MRTFB: variants seen among roughly 807,000 people sequenced by gnomAD.
MRTFB encodes myocardin-related transcription factor B.
Under a neutral mutation model 104.2 loss-of-function variants are expected in MRTFB, and 29 were observed. That is an observed-to-expected ratio of 0.28 (90% confidence interval 0.21 to 0.38). The LOEUF is 0.38. Ranked by LOEUF, MRTFB falls within the 10% of genes least tolerant of loss-of-function variation. The pLI is 1.00. For synonymous variants in MRTFB, 535 were observed against 519.5 expected, an observed-to-expected ratio of 1.03 and a Z score of -0.41; for missense variants, 1,270 against 1,341.6, an observed-to-expected ratio of 0.95 and a Z score of 0.83.
upstream of MRTFB, among the ~76,000 whole-genome samples, chr16:14,068,550 T>C (rs935310127): frequency 6.6e-6 from 1 of 152,094 alleles, no homozygotes; most frequent in African/African-American, 2.4e-5. Context: ...GCCAACTGTG[T>C]GTTGTTGCGT....
chr16:14,207,035 A>G (rs2040978049), intron 3 of MRTFB, among the ~76,000 whole-genome samples: 1 of 151,946 alleles, frequency 6.6e-6, no homozygotes, highest in Non-Finnish European at 1.5e-5. Flanking sequence ...CTTAAAAAAG[A>G]TCTTCCTTTC....
the MRTFB span, among the ~76,000 whole-genome samples, chr16:13,999,500 CAAA>C: frequency 9.0e-5 from 8 of 88,618 alleles, no homozygotes; most frequent in South Asian, 3.4e-4. Flanking sequence ...AGCCTTCTGG[CAAA>C]AAAAAAAAAA....
intron 2 of MRTFB, among the ~76,000 whole-genome samples, chr16:14,084,266 G>A (rs544029602): frequency 7.9e-4 from 120 of 152,260 alleles, no homozygotes; most frequent in Non-Finnish European, 1.3e-3. Flanking sequence ...GACTAGGCAC[G>A]GTATCTCACA....
Position 14,265,356 on chromosome 16 carries a change from C to T in MRTFB, c.*3912C>T, listed in dbSNP as rs925556273. On this transcript the variant is annotated 3_prime_UTR_variant, in exon 17 of 17. Coordinates refer to ENST00000571589, the MANE Select transcript of MRTFB (RefSeq NM_001308142.2). ...CCGCCCTAGAGGCCACAGAATTAGC[C>T]CAAAATTATCAAAGAACATTAACTG... is the stretch of plus-strand genomic sequence containing the variant. 3.3e-5 allele frequency: 5 copies of T among 152,084 alleles called. No individual in the cohort carries two copies. Among genetic ancestry groups the T allele is most frequent in the Non-Finnish European group, 7.3e-5 (5 of 68,030 alleles). 9.4% of individuals were successfully genotyped at this position (152,084 alleles called of 1,614,324 possible).
At chr16:14,153,667 T>C (rs1469780195) in intron 3 of MRTFB, among the ~76,000 whole-genome samples, 1 of 152,218 alleles carries the variant, frequency 6.6e-6, no homozygotes, top group Non-Finnish European at 1.5e-5. Flanking sequence ...AACTGAGTCT[T>C]AAATTATAAC....
At chr16:14,088,830 G>A (rs192730200) in intron 2 of MRTFB, among the ~76,000 whole-genome samples, 57 of 152,304 alleles carry the variant, frequency 3.7e-4, no homozygotes, top group African/African-American at 1.3e-3. Flanking sequence ...AAAGGACTTT[G>A]ACTTATTAAA....
intron 3 of MRTFB, among the ~76,000 whole-genome samples, chr16:14,154,814 C>T (rs547955772): frequency 2.2e-4 from 33 of 152,348 alleles, no homozygotes; most frequent in Non-Finnish European, 4.3e-4. Context: ...GCCTGAGTTC[C>T]TTGCTGACCA....
In MRTFB at chr16:14,265,986, A is replaced by C. The variant is rs1020133528; in HGVS notation, c.*4542A>C. On this transcript the variant is annotated 3_prime_UTR_variant, in exon 17 of 17. Coordinates refer to ENST00000571589, the MANE Select transcript of MRTFB (RefSeq NM_001308142.2). ...ACGTGATGCTGTAAGGAATCTTGCT[A>C]ATTTGGTAGGAAGAGGAAGCATTTA... The C allele has an allele frequency of 6.6e-6, 1 of 152,248 alleles. No homozygotes were observed. The highest frequency in any genetic ancestry group is 2.4e-5 in the African/African-American group (1 of 41,468). The allele number at this position is 152,248 out of a possible 1,614,324, so 9.4% of individuals were successfully genotyped here.
At chr16:14,017,158 A>G in the MRTFB span, among the ~76,000 whole-genome samples, 8 of 148,542 alleles carry the variant, frequency 5.4e-5, no homozygotes, top group East Asian at 2.0e-4. Flanking sequence ...CCGGGTTCAC[A>G]CCATTCTCCT....
In MRTFB at chr16:14,261,752, A is replaced by G; in HGVS notation, c.*308A>G. ...CTTTAGATAAAAACAAAGAAGAGTA[A>G]TATATGCAGCACAGTGACGTTAGGA... On this transcript the variant is annotated 3_prime_UTR_variant, in exon 17 of 17. Coordinates refer to ENST00000571589, the MANE Select transcript of MRTFB (RefSeq NM_001308142.2). The G allele has an allele frequency of 3.5e-6, 1 of 282,022 alleles. No homozygotes were observed. Among genetic ancestry groups the G allele is most frequent in the African/African-American group, 2.2e-5 (1 of 45,776 alleles). 17.5% of individuals were successfully genotyped at this position (282,022 alleles called of 1,614,324 possible). A position where few individuals can be genotyped will look rare whatever the true frequency, so the allele number is the denominator to read the frequency against.
chr16:14,161,158 A>AT (rs988784325), intron 3 of MRTFB, among the ~76,000 whole-genome samples: 1 of 137,442 alleles, frequency 7.3e-6, no homozygotes, highest in South Asian at 2.2e-4. Context: ...GCTAGGATAC[A>AT]TTTTTTTAAA....
chr16:14,234,953 A>C (rs749106362), intron 9 of MRTFB, among the ~76,000 whole-genome samples: 1 of 152,244 alleles, frequency 6.6e-6, no homozygotes, highest in Non-Finnish European at 1.5e-5. Context: ...AGTGAGGAAT[A>C]GTTTAGGTGA....
chr16:14,220,913 A>G (rs898305527), intron 8 of MRTFB, among the ~76,000 whole-genome samples: 7 of 152,176 alleles, frequency 4.6e-5, no homozygotes, highest in Middle Eastern at 3.2e-3. Flanking sequence ...TTTCTGTCCT[A>G]TGTGCCTTGA....
intron 3 of MRTFB, among the ~76,000 whole-genome samples, chr16:14,164,237 G>A (rs1421571563): frequency 2.6e-5 from 4 of 152,150 alleles, no homozygotes; most frequent in African/African-American, 2.4e-5. Context: ...CTTCTCAGCC[G>A]CAGAACTATC....
chr16:14,005,005 C>A, the MRTFB span, among the ~76,000 whole-genome samples: 1 of 152,230 alleles, frequency 6.6e-6, no homozygotes, highest in South Asian at 2.1e-4. Context: ...AGGCATCCAA[C>A]TCTCTGTGCT....
At chr16:14,008,955 T>TTTATTTATTTATTTATTTATTTA in the MRTFB span, among the ~76,000 whole-genome samples, 6 of 151,960 alleles carry the variant, frequency 3.9e-5, no homozygotes, top group African/African-American at 1.4e-4. Context: ...TATTTATTTA[T>TTTATTTATTTATTTATTTATTTA]TTTCATTTAG....
chr16:14,141,316 A>G (rs930260822), intron 3 of MRTFB: 1 of 152,586 alleles, frequency 6.6e-6, no homozygotes, highest in Non-Finnish European at 1.5e-5. Context: ...GGAAATTTTC[A>G]TCGCTCACAG....
the MRTFB span, among the ~76,000 whole-genome samples, chr16:14,060,911 C>T: frequency 6.6e-6 from 1 of 152,088 alleles, no homozygotes; most frequent in Non-Finnish European, 1.5e-5. Context: ...CTTTGGGAGG[C>T]CAAGGTGGGC....
At chr16:14,221,945 C>G (rs2041739765) in intron 8 of MRTFB, among the ~76,000 whole-genome samples, 1 of 151,998 alleles carries the variant, frequency 6.6e-6, no homozygotes, top group South Asian at 2.1e-4. Context: ...TCATGCCCAG[C>G]TAATTTTTGT....
Sources: gnomAD v4.1 joint callset for allele counts (sites outside exome capture counted in the v4.1 genomes callset) on GRCh38, gnomAD v4.1.1 for gene constraint, MANE v1.5 for transcripts, NCBI Gene and HGNC (gene_info 2026-07-23, HGNC 2026-07-21) for gene names.